Variants in CUBN observed in about 807,000 individuals in gnomAD.
CUBN encodes the protein cubilin, also known as 460 kDa receptor.
CUBN carries 282 observed loss-of-function variants against 405.3 expected under a neutral mutation model. The ratio of observed to expected loss-of-function variants is 0.70; its 90% CI spans 0.63 to 0.77. CUBN has a LOEUF of 0.77. CUBN is among the 30% of genes least tolerant of loss of function. The pLI is 0.00. For synonymous variants in CUBN, 1,684 were observed against 1,617.0 expected (o/e 1.04, Z -0.99); for missense variants, 4,514 against 4,475.2 (o/e 1.01, Z -0.25).
rs1414462952 is a variant in CUBN at position 17,103,225 on chromosome 10, G to C, written c.1430C>G (p.Ser477Cys). 6 of 1,608,480 alleles carry C rather than the reference G, an allele frequency of 3.7e-6. No homozygotes were observed. The highest frequency in any genetic ancestry group is 3.4e-6 in the Non-Finnish European group (4 of 1,175,048). Residue 477 changes from serine to cysteine, a missense_variant, in exon 13 of 67, where the codon TCC becomes TGC. Transcript: ENST00000377833. ...GAAGCTTCCATTTATTCCTGAGAGG[G>C]ACTCTCCACAAACTGCAAAGGAAAA... ...CQVPQQVCGESLSGINGSFSY... is the reference protein window; with the variant it reads ...CQVPQQVCGECLSGINGSFSY...
Position 16,836,383 on chromosome 10 carries a change from C to T in CUBN, c.10033-1G>A, listed in dbSNP as rs765616473. 38 of 1,613,796 alleles carry T rather than the reference C, an allele frequency of 2.4e-5. No homozygotes were observed. Among genetic ancestry groups the T allele is most frequent in the Non-Finnish European group, 3.1e-5 (37 of 1,179,852 alleles). The stretch of plus-strand genomic sequence containing the variant: ...ACTGAAATCTTGAATTTCCGTGACC[C>T]TGAAATGAAATGGGAGCCAAATCAT... On this transcript the variant is annotated splice_acceptor_variant, in intron 62 of 66. Coordinates refer to ENST00000377833, the MANE Select transcript of CUBN (RefSeq NM_001081.4). LOFTEE classifies it high-confidence loss of function.
At chr10:16,866,639 T>C (rs1488452944) in intron 59 of CUBN, among the ~76,000 whole-genome samples, 1 of 152,230 alleles carries the variant, frequency 6.6e-6, no homozygotes, top group African/African-American at 2.4e-5. Flanking sequence ...TTGCAGATTA[T>C]TTCAGAGTTT....
At chr10:16,896,283 T>G (rs1330476145) in intron 54 of CUBN, among the ~76,000 whole-genome samples, 6 of 152,212 alleles carry the variant, frequency 3.9e-5, no homozygotes, top group Non-Finnish European at 8.8e-5. Context: ...TTTCTCATGC[T>G]CCACGGTTCT....
At chr10:17,015,021 C>T (rs1834289794) in intron 28 of CUBN, among the ~76,000 whole-genome samples, 1 of 152,198 alleles carries the variant, frequency 6.6e-6, no homozygotes, top group African/African-American at 2.4e-5. Flanking sequence ...GGAACCACCA[C>T]CTCATTGATG....
chr10:16,956,367 T>C (rs955571344), intron 31 of CUBN, among the ~76,000 whole-genome samples: 46 of 152,120 alleles, frequency 3.0e-4, no homozygotes, highest in African/African-American at 1.1e-3. Flanking sequence ...ACCTGATGAC[T>C]GATTTTCATT....
Position 17,110,982 on chromosome 10 carries a change from C to A in CUBN, c.952G>T (p.Val318Leu). 2 of 1,614,192 alleles carry A rather than the reference C, an allele frequency of 1.2e-6. No individual in the cohort carries two copies. Among genetic ancestry groups the A allele is most frequent in the Non-Finnish European group, 1.7e-6 (2 of 1,180,032 alleles). The change falls in exon 9 of 67, where the codon GTG becomes TTG. Residue 318 changes from valine to leucine, a missense_variant. Around this residue, in one of 5 missense-constraint regions of CUBN, gnomAD observed 1,448 missense variants for 1,388.0 expected, o/e 1.04. Coordinates refer to ENST00000377833, the MANE Select transcript of CUBN (RefSeq NM_001081.4). ...ECEINNGGCS[V>L]APPVECVNTP... The stretch of plus-strand genomic sequence containing the variant: ...TTCACACACTCAACGGGTGGAGCCA[C>A]AGAACAGCCGCCGTTATTTATCTCA...
chr10:16,902,248 T>TTGTATATATAGTATATATATATTTG (rs1841416398), intron 51 of CUBN, among the ~76,000 whole-genome samples: 2 of 137,918 alleles, frequency 1.5e-5, no homozygotes, highest in Non-Finnish European at 3.1e-5. Flanking sequence ...CTATATATAT[T>TTGTATATATAGTATATATATATTTG]TGTATATATA....
At chr10:17,099,785 G>A (rs1836455392) in intron 14 of CUBN, among the ~76,000 whole-genome samples, 1 of 151,836 alleles carries the variant, frequency 6.6e-6, no homozygotes, top group Non-Finnish European at 1.5e-5. Flanking sequence ...AAAGGAGGTC[G>A]ACGTTTCAGT....
At position 17,085,614 on chromosome 10, in the gene CUBN, G is replaced by T; in HGVS notation, c.2093C>A (p.Thr698Asn). ...TTACTTACAAGGTGATGTTAAGTAGGTGATATGGAAGCCTTGGTCACTAAT... is the reference window on the plus strand; with the variant it reads ...TTACTTACAAGGTGATGTTAAGTAGTTGATATGGAAGCCTTGGTCACTAAT... ...SQISDQGFHI[T>N]YLTSPSDLRC... is the part of the protein sequence containing the mutation. Residue 698 changes from threonine to asparagine, a missense_variant, in exon 16 of 67, where the codon ACC (threonine) becomes AAC (asparagine). Physicochemically the swap from Thr to Asn is moderately conservative, Grantham distance 65. This residue lies in a region of CUBN where 1,448 missense variants were observed against 1,388.0 expected (regional missense o/e 1.04). Coordinates refer to ENST00000377833, the MANE Select transcript of CUBN (RefSeq NM_001081.4). The T allele has an allele frequency of 6.2e-7, 1 of 1,614,166 alleles. No homozygotes were observed. Among genetic ancestry groups the T allele is most frequent in the African/African-American group, 1.3e-5 (1 of 75,048 alleles).
At chr10:16,924,640 G>A (rs1842128841) in intron 43 of CUBN, among the ~76,000 whole-genome samples, 1 of 151,774 alleles carries the variant, frequency 6.6e-6, no homozygotes, top group South Asian at 2.1e-4. Flanking sequence ...TTTTTTTGAA[G>A]TGATGCCTAT....
At chr10:17,108,352 T>C (rs1836686366) in intron 10 of CUBN, among the ~76,000 whole-genome samples, 2 of 151,358 alleles carry the variant, frequency 1.3e-5, no homozygotes, top group African/African-American at 2.4e-5. Flanking sequence ...ATGTTGATAA[T>C]CATTTAATAA....
In CUBN at chr10:16,933,110, T is replaced by G; in HGVS notation, c.6101A>C (p.Tyr2034Ser). Residue 2034 changes from tyrosine (Y) to serine (S), a missense_variant, in exon 40 of 67, where the codon TAT becomes TCT. Transcript: ENST00000377833. ...ACCATCTCGTATCACAAGGCTATCA[T>G]AGGCACACGTTCGGTGAGATTCAAT... ...LDIESHRTCA[Y>S]DSLVIRDGDN... The G allele has an allele frequency of 6.2e-7, 1 of 1,614,120 alleles. No homozygotes were observed. The highest frequency in any genetic ancestry group is 1.1e-5 in the South Asian group (1 of 91,080).
intron 59 of CUBN, among the ~76,000 whole-genome samples, chr10:16,864,467 C>G (rs1840106926): frequency 6.6e-6 from 1 of 152,060 alleles, no homozygotes; most frequent in African/African-American, 2.4e-5. Context: ...AGCTAAGGTG[C>G]TTTCCAGAAA....
Position 17,114,198 on chromosome 10 carries a change from A to G in CUBN, c.721-9T>C. 1 of 1,613,616 alleles carries G rather than the reference A, an allele frequency of 6.2e-7. No individual in the cohort carries two copies. ...ACGCAGCTGTACTTGGGCTGGCAGGATGACAACAGCGTGAATAAAGACAAT... is the reference window on the plus strand; with the variant it reads ...ACGCAGCTGTACTTGGGCTGGCAGGGTGACAACAGCGTGAATAAAGACAAT... On this transcript the variant is annotated splice_polypyrimidine_tract_variant and intron_variant, in intron 7 of 66. Coordinates refer to ENST00000377833, the MANE Select transcript of CUBN (RefSeq NM_001081.4).
chr10:16,923,799 C>T (rs188932379), intron 43 of CUBN, among the ~76,000 whole-genome samples: 21 of 152,206 alleles, frequency 1.4e-4, no homozygotes, highest in East Asian at 9.7e-4. Flanking sequence ...TGGCTGAGGA[C>T]GGTGGCTTAC....
intron 31 of CUBN, among the ~76,000 whole-genome samples, chr10:16,976,516 A>AAAAGTAC (rs1833101469): frequency 6.6e-6 from 1 of 151,696 alleles, no homozygotes; most frequent in Non-Finnish European, 1.5e-5. Context: ...TTTTTTTTAG[A>AAAAGTAC]AAAGTACGTC....
rs141475297 is a variant in CUBN, at chr10:17,100,085, T to A, written c.1685A>T (p.Asn562Ile). Residue 562 changes from asparagine to isoleucine, a missense_variant, in exon 14 of 67, where the codon AAT becomes ATT. Asn to Ile is a moderately radical substitution (Grantham distance 149). This residue lies in a region of CUBN where 1,448 missense variants were observed against 1,388.0 expected (regional missense o/e 1.04). Transcript: ENST00000377833. ...SLPHELLSSD[N>I]ALYFHLYSEH... ...AGAATAGAGATGAAAATAGAGAGCA[T>A]TGTCACTGCTGAGGAGTTCATGAGG... 6.2e-7 allele frequency: 1 copy of A among 1,613,982 alleles called. No individual in the cohort carries two copies. The highest frequency in any genetic ancestry group is 1.1e-5 in the South Asian group (1 of 91,072).
At chr10:16,908,946 A>G (rs1414236636) in intron 48 of CUBN, among the ~76,000 whole-genome samples, 2 of 144,538 alleles carry the variant, frequency 1.4e-5, no homozygotes, top group South Asian at 2.2e-4. Flanking sequence ...GCAGTGGCGC[A>G]ATCTCGGCTC....
intron 19 of CUBN, among the ~76,000 whole-genome samples, chr10:17,070,919 C>A (rs577709025): frequency 6.6e-6 from 1 of 152,178 alleles, no homozygotes; most frequent in East Asian, 1.9e-4. Flanking sequence ...GTAGTGAGAA[C>A]AGACGTTCTT....
Sources: allele counts gnomAD v4.1 joint callset (sites outside exome capture counted in the v4.1 genomes callset), GRCh38; gene constraint gnomAD v4.1.1; regional missense constraint gnomAD v4.1.1; transcripts MANE v1.5; gene names NCBI Gene and HGNC (gene_info 2026-07-23, HGNC 2026-07-21).